The following CPSF6 variants were observed in gnomAD, a reference collection of about 807,000 sequenced individuals.
The protein encoded by CPSF6 is cleavage and polyadenylation specific factor 6, also known as cleavage and polyadenylation specificity factor subunit 6.
In CPSF6, 10 loss-of-function variants were observed where a neutral mutation model predicts 56.7. The ratio of observed to expected loss-of-function variants is 0.18; its 90% CI spans 0.11 to 0.30. The LOEUF (loss-of-function observed/expected upper bound fraction) is 0.30, where lower values mean the gene tolerates loss of function less well. Ranked by LOEUF, CPSF6 falls within the 10% of genes least tolerant of loss-of-function variation. The pLI is 1.00. For synonymous variants in CPSF6, 248 were observed against 244.8 expected, an observed-to-expected ratio of 1.01 and a Z score of -0.12; for missense variants, 419 against 722.9, an observed-to-expected ratio of 0.58 and a Z score of 4.82.
At chr12:69,259,897 G>A in intron 7 of CPSF6, 147 bp from the exon 8 acceptor site, 1 of 787,308 alleles carries the variant, frequency 1.3e-6, no homozygotes, top group Non-Finnish European at 2.0e-6. Context: ...TGCAAATGGT[G>A]AAACACTGAA....
chr12:69,250,241 T>C (rs760600398), intron 1 of CPSF6, among the ~76,000 whole-genome samples: 6 of 152,076 alleles, frequency 3.9e-5, no homozygotes, highest in Non-Finnish European at 8.8e-5. Flanking sequence ...ATAATAACTA[T>C]TTTTCTGTGG....
intron 9 of CPSF6, among the ~76,000 whole-genome samples, chr12:69,269,044 ATAAAT>A (rs975555194): frequency 2.6e-5 from 4 of 151,950 alleles, no homozygotes; most frequent in Non-Finnish European, 5.9e-5. Context: ...ATGCTGTTAA[ATAAAT>A]TAATTTGTAA....
intron 2 of CPSF6, among the ~76,000 whole-genome samples, chr12:69,252,372 T>C (rs180721531): frequency 3.8e-4 from 58 of 152,326 alleles, no homozygotes; most frequent in Non-Finnish European, 6.2e-4. Flanking sequence ...GCCCAGCCTA[T>C]TTACATTTCT....
Position 69,270,885 on chromosome 12 carries a change from G to A in CPSF6, c.*1377G>A, listed in dbSNP as rs1012214791. The A allele has an allele frequency of 2.6e-5, 4 of 151,714 alleles. No homozygotes were observed. Among genetic ancestry groups the A allele is most frequent in the African/African-American group, 4.8e-5 (2 of 41,386 alleles). 9.4% of individuals were successfully genotyped at this position (151,714 alleles called of 1,614,324 possible). A position where few individuals can be genotyped will look rare whatever the true frequency, so the allele number is the denominator to read the frequency against. On this transcript the variant is annotated 3_prime_UTR_variant, in exon 10 of 10. Coordinates refer to ENST00000435070, the MANE Select transcript of CPSF6 (RefSeq NM_007007.3). ...AATTTGACTTAAAATTCTTGAGCAC[G>A]TTAATATGTTTTTAAGATCTGATTA...
rs1034163073 is a variant in CPSF6, at chr12:69,262,630, T to A, written c.*3+68T>A. On this transcript the variant is annotated intron_variant, in intron 9 of 9. Coordinates refer to ENST00000435070, the MANE Select transcript of CPSF6 (RefSeq NM_007007.3). ...ACAGTAACTATAACTCCAAGGCTAC[T>A]GTTTATACAGTATATACCTACATTT... 4.4e-5 allele frequency: 66 copies of A among 1,510,026 alleles called. 1 individual carries two copies. The highest frequency in any genetic ancestry group is 5.7e-5 in the Non-Finnish European group (64 of 1,122,876). 93.5% of individuals were successfully genotyped at this position (1,510,026 alleles called of 1,614,324 possible). A position where few individuals can be genotyped will look rare whatever the true frequency, so the allele number is the denominator to read the frequency against.
rs1873209336 is a variant in CPSF6, at chr12:69,270,887, T to C, written c.*1379T>C. 1 of 151,800 alleles carries C rather than the reference T, an allele frequency of 6.6e-6. No homozygotes were observed. The highest frequency in any genetic ancestry group is 1.5e-5 in the Non-Finnish European group (1 of 67,716). 9.4% of individuals were successfully genotyped at this position (151,800 alleles called of 1,614,324 possible). On this transcript the variant is annotated 3_prime_UTR_variant, in exon 10 of 10. Transcript: ENST00000435070. ...TTTGACTTAAAATTCTTGAGCACGT[T>C]AATATGTTTTTAAGATCTGATTATC...
At chr12:69,249,592 T>C (rs1225017020) in intron 1 of CPSF6, among the ~76,000 whole-genome samples, 2 of 152,342 alleles carry the variant, frequency 1.3e-5, no homozygotes, top group Middle Eastern at 3.4e-3. Flanking sequence ...ATGTCAGATG[T>C]TCTATGTCAT....
rs761487464 is a variant in CPSF6, at chr12:69,239,726, C to T, written c.60+20C>T. 9 of 1,566,866 alleles carry T rather than the reference C, an allele frequency of 5.7e-6. No homozygotes were observed. The highest frequency in any genetic ancestry group is 1.7e-4 in the Middle Eastern group (1 of 5,874). On this transcript the variant is annotated intron_variant, in intron 1 of 9. Transcript: ENST00000435070. The stretch of plus-strand genomic sequence containing the variant: ...AACCAGGTACGTGAGAGCCCAGGTC[C>T]CCGCCGCCGACGCGGGCGGCGCTGC...
rs1247617084 is a variant in CPSF6 at position 69,272,982 on chromosome 12, A to AT, written c.*3480dup. The stretch of plus-strand genomic sequence containing the variant: ...CTTGACTCTTAGAAGCCTTAGACTG[A>AT]TTTTTTCAATAAATATTCAACCAAA... On this transcript the variant is annotated 3_prime_UTR_variant, in exon 10 of 10. Coordinates refer to ENST00000435070, the MANE Select transcript of CPSF6 (RefSeq NM_007007.3). 5 of 247,850 alleles carry AT rather than the reference A, an allele frequency of 2.0e-5. No individual in the cohort carries two copies. The highest frequency in any genetic ancestry group is 1.0e-4 in the Admixed American group (2 of 19,254). The allele number at this position is 247,850 out of a possible 1,614,324, so 15.4% of individuals were successfully genotyped here. A position where few individuals can be genotyped will look rare whatever the true frequency, so the allele number is the denominator to read the frequency against.
chr12:69,244,800 G>A (rs911929356), intron 1 of CPSF6, among the ~76,000 whole-genome samples: 1 of 151,882 alleles, frequency 6.6e-6, no homozygotes, highest in Non-Finnish European at 1.5e-5. Flanking sequence ...TCTGCATCTT[G>A]TCCCACTGGA....
At chr12:69,244,121 G>A (rs577628657) in intron 1 of CPSF6, among the ~76,000 whole-genome samples, 1 of 152,066 alleles carries the variant, frequency 6.6e-6, no homozygotes. Context: ...TGACTGGCCC[G>A]TTTTTACTTT....
chr12:69,252,402 G>A (rs141764942), intron 2 of CPSF6, among the ~76,000 whole-genome samples: 3 of 152,126 alleles, frequency 2.0e-5, no homozygotes, highest in African/African-American at 7.2e-5. Flanking sequence ...AAATGTAACA[G>A]ATCTCCCACC....
In CPSF6 at chr12:69,262,568, T is replaced by C. The variant is rs1283894844; in HGVS notation, c.*3+6T>C. 6.2e-7 allele frequency: 1 copy of C among 1,604,846 alleles called. No homozygotes were observed. The highest frequency in any genetic ancestry group is 8.5e-7 in the Non-Finnish European group (1 of 1,174,874). ...AATATCGTCATCGTTAGAAGGTGGGTATTCCTTGTTCCCTGTTAAATGTGT... is the reference window on the plus strand; with the variant it reads ...AATATCGTCATCGTTAGAAGGTGGGCATTCCTTGTTCCCTGTTAAATGTGT... On this transcript the variant is annotated splice_donor_region_variant and intron_variant, in intron 9 of 9. Coordinates refer to ENST00000435070, the MANE Select transcript of CPSF6 (RefSeq NM_007007.3).
chr12:69,263,801 T>G (rs908770400), intron 9 of CPSF6, among the ~76,000 whole-genome samples: 1 of 152,052 alleles, frequency 6.6e-6, no homozygotes, highest in Non-Finnish European at 1.5e-5. Flanking sequence ...AACACAGATA[T>G]AAGCTCCTAC....
chr12:69,251,417 T>G (rs1003372534), intron 2 of CPSF6, 79 bp downstream of exon 2: 1 of 956,882 alleles, frequency 1.0e-6, no homozygotes, highest in African/African-American at 1.7e-5. Flanking sequence ...TTTCTCCAGA[T>G]TTTTATAAGT....
At chr12:69,250,602 A>G (rs1275463244) in intron 1 of CPSF6, among the ~76,000 whole-genome samples, 13 of 107,206 alleles carry the variant, frequency 1.2e-4, no homozygotes, top group African/African-American at 3.1e-4. Flanking sequence ...AAAAAAAAAA[A>G]AAAAAGAAAA....
Position 69,269,767 on chromosome 12 carries a change from A to C in CPSF6, c.*259A>C, listed in dbSNP as rs879570272. ...AAGTTATAGCTTTTGCAACTTTATT[A>C]CTGGTTATATACATTTGGCCATTAT... On this transcript the variant is annotated 3_prime_UTR_variant, in exon 10 of 10. Transcript: ENST00000435070. 9.6e-6 allele frequency: 2 copies of C among 208,920 alleles called. No individual in the cohort carries two copies. The highest frequency in any genetic ancestry group is 1.2e-4 in the Admixed American group (2 of 16,518). The allele number at this position is 208,920 out of a possible 1,614,324, so 12.9% of individuals were successfully genotyped here. A position where few individuals can be genotyped will look rare whatever the true frequency, so the allele number is the denominator to read the frequency against.
At chr12:69,253,616 C>G (rs186534886) in intron 3 of CPSF6, among the ~76,000 whole-genome samples, 103 of 152,150 alleles carry the variant, frequency 6.8e-4, no homozygotes, top group Non-Finnish European at 1.2e-3. Flanking sequence ...ATACCACTGT[C>G]CTACCATTCA....
intron 8 of CPSF6, among the ~76,000 whole-genome samples, chr12:69,260,882 G>A (rs1872713742): frequency 6.6e-6 from 1 of 152,088 alleles, no homozygotes; most frequent in Admixed American, 6.5e-5. Flanking sequence ...CAAAGTGTTG[G>A]GATGATAGGC....
Sources: allele counts gnomAD v4.1 joint callset (sites outside exome capture counted in the v4.1 genomes callset), GRCh38; gene constraint gnomAD v4.1.1; transcripts MANE v1.5; gene names NCBI Gene and HGNC (gene_info 2026-07-23, HGNC 2026-07-21).